Variants in ZNF362 observed in about 807,000 individuals in gnomAD.
The protein encoded by ZNF362 is zinc finger protein 362.
In ZNF362, 11 loss-of-function variants were observed where a neutral mutation model predicts 42.9. The ratio of observed to expected loss-of-function variants is 0.26; its 90% CI spans 0.16 to 0.42. The LOEUF (loss-of-function observed/expected upper bound fraction) is 0.42. ZNF362 is among the 20% of genes least tolerant of loss of function. The pLI is 1.00. For synonymous variants in ZNF362, 255 were observed against 257.3 expected (o/e 0.99, Z 0.09); for missense variants, 362 against 576.2 (o/e 0.63, Z 3.81).
At chr1:33,130,885 T>C in the ZNF362 span, among the ~76,000 whole-genome samples, 4 of 152,044 alleles carry the variant, frequency 2.6e-5, no homozygotes, top group African/African-American at 9.7e-5. Flanking sequence ...ATTTGAGATA[T>C]GTCTGGAAAA....
chr1:33,241,733 T>C, the ZNF362 span, among the ~76,000 whole-genome samples: 4 of 152,142 alleles, frequency 2.6e-5, no homozygotes, highest in Non-Finnish European at 4.4e-5. Flanking sequence ...GCCGGTCTTA[T>C]GCTGCCAGAA....
chr1:33,281,488 G>T lies in ZNF362; in HGVS notation c.684-99G>T, dbSNP rs1304680339. 3 of 1,174,286 alleles carry T rather than the reference G, an allele frequency of 2.6e-6. No homozygotes were observed. The highest frequency in any genetic ancestry group is 3.7e-6 in the Non-Finnish European group (3 of 806,392). The allele number at this position is 1,174,286 out of a possible 1,614,324, so 72.7% of individuals were successfully genotyped here. A position where few individuals can be genotyped will look rare whatever the true frequency, so the allele number is the denominator to read the frequency against. On this transcript the variant is annotated intron_variant, in intron 5 of 8. Transcript: ENST00000539719. This position sits in a 1 kb window ranked among gnomAD's most constrained non-coding sequence, Gnocchi z 4.8. The stretch of plus-strand genomic sequence containing the variant: ...TGCTTCTTGGGCTCATCACAGGAAA[G>T]ACCTGTCCCAGGTGCAAGGTCTCTC...
chr1:33,171,591 T>C, the ZNF362 span, among the ~76,000 whole-genome samples: 1 of 152,116 alleles, frequency 6.6e-6, no homozygotes, highest in African/African-American at 2.4e-5. Flanking sequence ...GCTCCAGGGG[T>C]GGGCCTATAC....
At chr1:33,183,210 G>A in the ZNF362 span, among the ~76,000 whole-genome samples, 2 of 152,162 alleles carry the variant, frequency 1.3e-5, no homozygotes, top group South Asian at 2.1e-4. Flanking sequence ...TTTGGTGATG[G>A]TTGGATACGG....
chr1:33,218,315 C>G, the ZNF362 span, among the ~76,000 whole-genome samples: 1 of 152,124 alleles, frequency 6.6e-6, no homozygotes. Context: ...GTGGTGTATG[C>G]CTATGGTCCA....
the ZNF362 span, among the ~76,000 whole-genome samples, chr1:33,149,798 TA>T: frequency 1.3e-5 from 2 of 152,024 alleles, no homozygotes; most frequent in African/African-American, 4.8e-5. Flanking sequence ...TGGCGTGGGG[TA>T]TTATCTTCTG....
At chr1:33,250,886 GAAGA>G in the ZNF362 span, among the ~76,000 whole-genome samples, 10 of 152,014 alleles carry the variant, frequency 6.6e-5, no homozygotes, top group Non-Finnish European at 2.9e-5. Flanking sequence ...AGAAGAAGAA[GAAGA>G]AGAAGGAGAA....
chr1:33,236,911 A>G, the ZNF362 span, among the ~76,000 whole-genome samples: 4 of 152,044 alleles, frequency 2.6e-5, no homozygotes, highest in African/African-American at 4.8e-5. Context: ...TCTCTACTAA[A>G]AATACAAAAA....
the ZNF362 span, among the ~76,000 whole-genome samples, chr1:33,157,635 A>G: frequency 6.6e-6 from 1 of 152,184 alleles, no homozygotes; most frequent in Non-Finnish European, 1.5e-5. Flanking sequence ...AGCACCTAGA[A>G]CAGTTCCTGA....
At chr1:33,246,149 G>A in the ZNF362 span, among the ~76,000 whole-genome samples, 1 of 152,162 alleles carries the variant, frequency 6.6e-6, no homozygotes, top group Admixed American at 6.5e-5. Flanking sequence ...CACTGAGTTT[G>A]TGGTAGTTTA....
At chr1:33,178,956 G>C in the ZNF362 span, among the ~76,000 whole-genome samples, 2 of 152,218 alleles carry the variant, frequency 1.3e-5, no homozygotes, top group Non-Finnish European at 2.9e-5. Context: ...GCAGAGGCTA[G>C]AAGGTCAGAC....
upstream of ZNF362, among the ~76,000 whole-genome samples, chr1:33,255,912 C>A (rs896976308): frequency 1.8e-4 from 28 of 152,014 alleles, no homozygotes; most frequent in South Asian, 1.0e-3. Context: ...CTGGTCAGGG[C>A]CGTGGCCCGC....
rs1202663187 is a variant in ZNF362 at position 33,299,288 on chromosome 1, C to T, written c.*242C>T. 3 of 374,252 alleles carry T rather than the reference C, an allele frequency of 8.0e-6. No homozygotes were observed. Among genetic ancestry groups the T allele is most frequent in the South Asian group, 8.4e-5 (1 of 11,946 alleles). 23.2% of individuals were successfully genotyped at this position (374,252 alleles called of 1,614,324 possible). ...GACGATCTCAGAGCACTTTGAACCT[C>T]TCTGTTGAGTTTTCTTTTTGTTCCC... On this transcript the variant is annotated 3_prime_UTR_variant, in exon 9 of 9. Coordinates refer to ENST00000539719, the MANE Select transcript of ZNF362 (RefSeq NM_152493.3).
the ZNF362 span, among the ~76,000 whole-genome samples, chr1:33,129,692 C>T: frequency 2.6e-5 from 4 of 152,216 alleles, no homozygotes; most frequent in Non-Finnish European, 5.9e-5. The surrounding 1 kb of genome is among the most constrained non-coding windows in gnomAD (Gnocchi z 4.1). Flanking sequence ...TTGGTCCACA[C>T]TGGAGATTCT....
the ZNF362 span, among the ~76,000 whole-genome samples, chr1:33,208,494 G>A: frequency 9.2e-5 from 14 of 151,858 alleles, no homozygotes; most frequent in Admixed American, 4.6e-4. Flanking sequence ...GATGGGGATA[G>A]CATTGAAACT....
chr1:33,274,522 T>G (rs1645928305), intron 2 of ZNF362, among the ~76,000 whole-genome samples: 1 of 152,124 alleles, frequency 6.6e-6, no homozygotes, highest in Non-Finnish European at 1.5e-5. Context: ...AAGGGATTGG[T>G]GGGCAGAGGG....
chr1:33,220,617 G>A, the ZNF362 span, among the ~76,000 whole-genome samples: 86 of 152,280 alleles, frequency 5.6e-4, no homozygotes, highest in Admixed American at 3.6e-3. Flanking sequence ...CTGAGGGCAG[G>A]CCTCAGGAGT....
chr1:33,153,912 C>T, the ZNF362 span, among the ~76,000 whole-genome samples: 1 of 152,210 alleles, frequency 6.6e-6, no homozygotes, highest in Non-Finnish European at 1.5e-5. Context: ...CCTCACAGTT[C>T]ACAGTCTAGT....
chr1:33,219,749 T>C, the ZNF362 span, among the ~76,000 whole-genome samples: 1 of 152,066 alleles, frequency 6.6e-6, no homozygotes. Flanking sequence ...CTTTCAGCAG[T>C]GGCAAATCAC....
Sources: gnomAD v4.1 joint callset for allele counts (sites outside exome capture counted in the v4.1 genomes callset) on GRCh38, gnomAD v4.1.1 for gene constraint, Gnocchi (gnomAD v3.1) non-coding constraint, MANE v1.5 for transcripts, NCBI Gene and HGNC (gene_info 2026-07-23, HGNC 2026-07-21) for gene names.